ATP10B: variants seen among roughly 807,000 people sequenced by gnomAD.
ATP10B encodes the protein ATPase phospholipid transporting 10B (putative), also known as phospholipid-transporting ATPase VB.
A neutral mutation model predicts 141.2 loss-of-function variants in ATP10B; 122 were observed. That is an observed-to-expected ratio of 0.86 (90% CI 0.75 to 1.00). The LOEUF (loss-of-function observed/expected upper bound fraction) is 1.00. ATP10B is among the 50% of genes least tolerant of loss of function. The pLI is 0.00. For synonymous variants in ATP10B, 685 were observed against 692.0 expected (o/e 0.99, Z 0.16); for missense variants, 1,876 against 1,825.3 (o/e 1.03, Z -0.51).
At position 160,565,063 on chromosome 5, in the gene ATP10B, T is replaced by G. The variant is rs76004785; in HGVS notation, c.*390A>C. On this transcript the variant is annotated 3_prime_UTR_variant, in exon 26 of 26. Transcript: ENST00000327245. ...CTGAGGGGTAAATAAACCCAGAAAC[T>G]TCCATATCCTGAGATATTGCCTGGG... 3,555 of 185,670 alleles carry G rather than the reference T, an allele frequency of 0.019. 129 individuals are homozygous for G. Among genetic ancestry groups the G allele is most frequent in the African/African-American group, 0.08 (3,369 of 42,306 alleles). 11.5% of individuals were successfully genotyped at this position (185,670 alleles called of 1,614,324 possible). A position where few individuals can be genotyped will look rare whatever the true frequency, so the allele number is the denominator to read the frequency against.
intron 17 of ATP10B, among the ~76,000 whole-genome samples, chr5:160,613,154 C>T (rs985777875): frequency 1.3e-5 from 2 of 152,132 alleles, no homozygotes; most frequent in Non-Finnish European, 2.9e-5. Context: ...AGTCAGGATA[C>T]CATGCGAATA....
In ATP10B at chr5:160,598,605, G is replaced by T. The variant is rs73819454; in HGVS notation, c.3564+165C>A. 9.7e-3 allele frequency among the ~76,000 whole-genome samples: 1,477 copies of T among 152,152 alleles called. 24 individuals are homozygous for T. Among genetic ancestry groups the T allele is most frequent in the African/African-American group, 0.032 (1,335 of 41,498 alleles). On this transcript the variant is annotated intron_variant, in intron 22 of 25. Coordinates refer to ENST00000327245, the MANE Select transcript of ATP10B (RefSeq NM_025153.3). Reference sequence around the variant, plus strand: ...ACACCCTCAATAGCAAGTAAGAAACGGGTCAGGAAAGGAGAGAGGAGTTAC... The same window carrying T: ...ACACCCTCAATAGCAAGTAAGAAACTGGTCAGGAAAGGAGAGAGGAGTTAC...
chr5:160,785,880 C>T (rs1771109988), intron 1 of ATP10B, 77 bp from the exon 2 acceptor site: 2 of 271,622 alleles, frequency 7.4e-6, no homozygotes, highest in South Asian at 7.9e-5. Flanking sequence ...AGTATTTTGC[C>T]CTTTTCTCTT....
At chr5:160,676,242 GTGA>G (rs1313512820) in intron 6 of ATP10B, among the ~76,000 whole-genome samples, 1 of 152,204 alleles carries the variant, frequency 6.6e-6, no homozygotes, top group Non-Finnish European at 1.5e-5. Context: ...TCACTAAGCA[GTGA>G]TGGCCATGGA....
chr5:160,744,284 T>A (rs1213876541), intron 2 of ATP10B, among the ~76,000 whole-genome samples: 2 of 152,152 alleles, frequency 1.3e-5, no homozygotes, highest in Non-Finnish European at 2.9e-5. Flanking sequence ...GATTGCTGTG[T>A]CCCTTGCATC....
chr5:160,686,896 G>C, intron 5 of ATP10B: 1 of 949,932 alleles, frequency 1.1e-6, no homozygotes, highest in Non-Finnish European at 1.3e-6. Flanking sequence ...TGATATATAA[G>C]CACATATTTT....
chr5:160,730,517 G>C (rs1273346310), intron 2 of ATP10B, among the ~76,000 whole-genome samples: 1 of 152,024 alleles, frequency 6.6e-6, no homozygotes, highest in East Asian at 1.9e-4. Flanking sequence ...AAGTACAGCT[G>C]CTATATATGC....
chr5:160,819,159 G>T (rs1393320999), intron 1 of ATP10B, among the ~76,000 whole-genome samples: 1 of 151,814 alleles, frequency 6.6e-6, no homozygotes, highest in Non-Finnish European at 1.5e-5. Flanking sequence ...AAAAATAAAA[G>T]AAGGAATCTT....
intron 1 of ATP10B, among the ~76,000 whole-genome samples, chr5:160,850,254 AAAC>A (rs1753713942): frequency 1.3e-5 from 2 of 152,136 alleles, no homozygotes; most frequent in South Asian, 4.2e-4. Context: ...AAAAAACAAA[AAAC>A]AAAAAACAAA....
chr5:160,733,569 T>C lies in ATP10B; in HGVS notation c.-330-16535A>G, dbSNP rs557665576. On this transcript the variant is annotated intron_variant, in intron 2 of 25. Coordinates refer to ENST00000327245, the MANE Select transcript of ATP10B (RefSeq NM_025153.3). ...TGAGAGGGGTCAGAGAAAAATGACA[T>C]ATATATGTCACATATGTTACATATA... Among the ~76,000 whole-genome samples the C allele has an allele frequency of 4.6e-5, 7 of 151,690 alleles. No homozygotes were observed. The East Asian group carries it at 9.7e-4, about 21-fold the overall frequency.
chr5:160,604,736 G>A (rs1426065090), intron 19 of ATP10B, among the ~76,000 whole-genome samples: 2 of 151,986 alleles, frequency 1.3e-5, no homozygotes, highest in East Asian at 1.9e-4. Context: ...ACACACACAC[G>A]GTCTCCTTCT....
intron 12 of ATP10B, chr5:160,633,057 G>C (rs1272646258): frequency 6.6e-6 from 1 of 152,226 alleles, no homozygotes; most frequent in Non-Finnish European, 1.5e-5. Context: ...TCATTAAAAT[G>C]TCAGGACACA....
intron 13 of ATP10B, among the ~76,000 whole-genome samples, chr5:160,628,602 G>C (rs189642312): frequency 1.3e-5 from 2 of 151,048 alleles, no homozygotes; most frequent in African/African-American, 4.9e-5. Flanking sequence ...GTGGGGTGGC[G>C]GGGGGGATGT....
intron 1 of ATP10B, among the ~76,000 whole-genome samples, 161 bp downstream of exon 1, chr5:160,851,775 TAGAAA>T (rs1326667172): frequency 1.3e-5 from 2 of 152,192 alleles, no homozygotes; most frequent in Non-Finnish European, 2.9e-5. Flanking sequence ...AACATTCTGT[TAGAAA>T]AGAAATGTGG....
chr5:160,733,768 G>GA lies in ATP10B; in HGVS notation c.-330-16735dup, dbSNP rs1342545525. ...AGAACAACATGTTTAAAGAGCCAAAGAAAAAAAATCAACTCAGAATTATAT... is the reference window on the plus strand; with the variant it reads ...AGAACAACATGTTTAAAGAGCCAAAGAAAAAAAAATCAACTCAGAATTATAT... On this transcript the variant is annotated intron_variant, in intron 2 of 25. Coordinates refer to ENST00000327245, the MANE Select transcript of ATP10B (RefSeq NM_025153.3). 2.1e-4 allele frequency among the ~76,000 whole-genome samples: 31 copies of GA among 150,512 alleles called. 1 individual carries two copies. The highest frequency in any genetic ancestry group is 7.1e-4 in the African/African-American group (29 of 41,010).
At chr5:160,614,052 A>G (rs886066230) in intron 17 of ATP10B, 1 of 151,442 alleles carries the variant, frequency 6.6e-6, no homozygotes, top group Admixed American at 6.6e-5. Flanking sequence ...TCTCGGTGGA[A>G]AGTGGAATTC....
At chr5:160,903,837 A>G in the ATP10B span, among the ~76,000 whole-genome samples, 2 of 152,190 alleles carry the variant, frequency 1.3e-5, no homozygotes, top group African/African-American at 4.8e-5. Flanking sequence ...CTGAAGCTCT[A>G]TTTGCACCCG....
At chr5:160,918,406 C>T in the ATP10B span, among the ~76,000 whole-genome samples, 1 of 152,116 alleles carries the variant, frequency 6.6e-6, no homozygotes, top group African/African-American at 2.4e-5. Context: ...TATCTGAGCT[C>T]TGAAGGGTTA....
At chr5:160,839,955 C>A (rs965971664) in intron 1 of ATP10B, among the ~76,000 whole-genome samples, 4 of 151,840 alleles carry the variant, frequency 2.6e-5, no homozygotes, top group Admixed American at 2.6e-4. Flanking sequence ...TTCATGTACA[C>A]AGATAATAGG....
Sources: allele counts gnomAD v4.1 joint callset (sites outside exome capture counted in the v4.1 genomes callset), GRCh38; gene constraint gnomAD v4.1.1; transcripts MANE v1.5; gene names NCBI Gene and HGNC (gene_info 2026-07-23, HGNC 2026-07-21).